Variants in CNTNAP4 observed in about 807,000 individuals in gnomAD.
CNTNAP4 encodes the protein contactin-associated protein-like 4.
Under a neutral mutation model 148.4 loss-of-function variants are expected in CNTNAP4, and 98 were observed. The ratio of observed to expected loss-of-function variants is 0.66; its 90% CI spans 0.56 to 0.78. The LOEUF (loss-of-function observed/expected upper bound fraction) is 0.78. CNTNAP4 is among the 30% of genes least tolerant of loss of function. The pLI is 0.00. For missense variants in CNTNAP4, 1,935 were observed against 1,565.6 expected (o/e 1.24, Z -3.98); for synonymous variants, 730 against 565.1 (o/e 1.29, Z -4.14).
intron 8 of CNTNAP4, among the ~76,000 whole-genome samples, chr16:76,458,677 G>T (rs2080827180): frequency 1.3e-5 from 2 of 152,252 alleles, no homozygotes; most frequent in South Asian, 4.1e-4. Context: ...CAAGTGATAG[G>T]AGCAGCTGTA....
intron 17 of CNTNAP4, among the ~76,000 whole-genome samples, chr16:76,523,903 C>G (rs938164419): frequency 1.1e-4 from 16 of 152,156 alleles, no homozygotes; most frequent in African/African-American, 3.6e-4. Context: ...GCACTCCATC[C>G]TGGGTGACAG....
intron 2 of CNTNAP4, among the ~76,000 whole-genome samples, chr16:76,333,944 G>A (rs1014389079): frequency 1.3e-5 from 2 of 151,632 alleles, no homozygotes; most frequent in Admixed American, 6.6e-5. Context: ...TTGAATGATC[G>A]CCATTCTAAC....
At chr16:76,284,743 G>T (rs9926323) in intron 1 of CNTNAP4, among the ~76,000 whole-genome samples, 11,079 of 151,864 alleles carry the variant, frequency 0.073, 1,406 homozygotes, top group African/African-American at 0.25. Flanking sequence ...TCTGTGTATT[G>T]CAATTAAATA....
intron 3 of CNTNAP4, among the ~76,000 whole-genome samples, chr16:76,374,536 A>G (rs2015207013): frequency 6.6e-6 from 1 of 152,108 alleles, no homozygotes; most frequent in African/African-American, 2.4e-5. Context: ...TGATAGGTAA[A>G]TAATGAAATT....
chr16:76,525,832 T>C (rs2083707199), intron 17 of CNTNAP4, among the ~76,000 whole-genome samples: 2 of 147,838 alleles, frequency 1.4e-5, no homozygotes, highest in Admixed American at 6.8e-5. Context: ...ATAGTTTATA[T>C]ATAACTATAT....
rs138793594 is a variant in CNTNAP4 at position 76,540,625 on chromosome 16, T to C, written c.3355-78T>C. On this transcript the variant is annotated intron_variant, in intron 20 of 23. Transcript: ENST00000611870. ...CAACTGCTTAATGTATCTTTTTCTC[T>C]TGTCCTCTGTTGCTTCCTGTCTTCT... 601 of 1,049,420 alleles carry C rather than the reference T, an allele frequency of 5.7e-4. 7 individuals are homozygous for C. The African/African-American group carries it at 8.8e-3, about 15-fold the overall frequency. The allele number at this position is 1,049,420 out of a possible 1,614,324, so 65.0% of individuals were successfully genotyped here.
chr16:76,542,262 A>G (rs1473034201), intron 21 of CNTNAP4, among the ~76,000 whole-genome samples: 2 of 152,192 alleles, frequency 1.3e-5, no homozygotes, highest in African/African-American at 4.8e-5. Flanking sequence ...TGGAGGTAAG[A>G]ACATTAGTGT....
At chr16:76,281,274 C>A (rs1958676977) in intron 1 of CNTNAP4, among the ~76,000 whole-genome samples, 1 of 152,014 alleles carries the variant, frequency 6.6e-6, no homozygotes, top group Admixed American at 6.6e-5. Context: ...AACTAGAATG[C>A]AATAGTAAAG....
chr16:76,440,438 A>G (rs972916509), intron 4 of CNTNAP4, among the ~76,000 whole-genome samples: 1 of 152,162 alleles, frequency 6.6e-6, no homozygotes, highest in Admixed American at 6.6e-5. Flanking sequence ...TCCCGAAAAC[A>G]TCTTCAAGGG....
chr16:76,350,488 A>G (rs946022840), intron 2 of CNTNAP4, among the ~76,000 whole-genome samples: 2 of 152,188 alleles, frequency 1.3e-5, no homozygotes, highest in African/African-American at 2.4e-5. Context: ...TTTTCTTACA[A>G]TTCATAGCAA....
chr16:76,308,201 G>A (rs1352002396), intron 1 of CNTNAP4, among the ~76,000 whole-genome samples: 2 of 152,044 alleles, frequency 1.3e-5, no homozygotes, highest in Non-Finnish European at 2.9e-5. Context: ...CTAAAACCAG[G>A]ATTCTCAAGT....
intron 3 of CNTNAP4, among the ~76,000 whole-genome samples, chr16:76,409,840 T>C (rs62051220): frequency 0.36 from 54,043 of 151,684 alleles, 11,074 homozygotes; most frequent in Non-Finnish European, 0.44. Flanking sequence ...GATTCAGAGA[T>C]TAATAAACTG....
intron 1 of CNTNAP4, among the ~76,000 whole-genome samples, chr16:76,287,375 C>T (rs572465709): frequency 6.6e-6 from 1 of 152,264 alleles, no homozygotes; most frequent in African/African-American, 2.4e-5. Context: ...CGCAAAACAG[C>T]CTGATTCATT....
Position 76,558,647 on chromosome 16 carries a change from T to G in CNTNAP4, c.3891T>G (p.Asn1297Lys). The G allele has an allele frequency of 2.5e-6, 4 of 1,611,014 alleles. No homozygotes were observed. In the Admixed American group the frequency reaches 5.1e-5, roughly 20 times the overall value. The change falls in exon 24 of 24, where the codon AAT (asparagine) becomes AAG (lysine). Residue 1297 changes from asparagine (N) to lysine (K), a missense_variant. Asn to Lys is a moderately conservative substitution (Grantham distance 94). Coordinates refer to ENST00000611870, the MANE Select transcript of CNTNAP4 (RefSeq NM_033401.5). ...AVLKSELNIQ[N>K]AVNENQKEYF... Reference sequence around the variant, plus strand: ...TGAAAAGTGAGCTTAATATACAAAATGCAGTCAATGAAAATCAGAAAGAGT... The same window carrying G: ...TGAAAAGTGAGCTTAATATACAAAAGGCAGTCAATGAAAATCAGAAAGAGT...
intron 1 of CNTNAP4, among the ~76,000 whole-genome samples, chr16:76,296,523 A>G (rs1246430065): frequency 1.3e-5 from 2 of 152,218 alleles, no homozygotes; most frequent in Non-Finnish European, 1.5e-5. Context: ...GTGTTCTTCA[A>G]GTTATATTCA....
At chr16:76,294,086 G>A (rs1026672717) in intron 1 of CNTNAP4, among the ~76,000 whole-genome samples, 5 of 152,076 alleles carry the variant, frequency 3.3e-5, no homozygotes, top group African/African-American at 1.2e-4. Flanking sequence ...CAGAGATTTT[G>A]GAGAGCGAGT....
chr16:76,449,776 A>G lies in CNTNAP4; in HGVS notation c.989A>G (p.His330Arg), dbSNP rs531143529. The G allele has an allele frequency of 3.1e-6, 5 of 1,598,578 alleles. No homozygotes were observed. In the East Asian group the frequency reaches 1.1e-4, roughly 36 times the overall value. Residue 330 changes from histidine to arginine, a missense_variant, in exon 7 of 24, where the codon CAT becomes CGT. By Grantham distance (29) the His-to-Arg change is conservative. Transcript: ENST00000611870. ...KSVSFPHRNF[H>R]GCLENLYYNG... ...GTGTCATTCCCACATAGAAATTTTC[A>G]TGGATGTTTAGAAAATCTCTATTAT...
chr16:76,377,010 G>A (rs78538980), intron 3 of CNTNAP4, among the ~76,000 whole-genome samples: 25,711 of 151,090 alleles, frequency 0.17, 2,722 homozygotes, highest in East Asian at 0.44. Context: ...ATTTTAAGGA[G>A]TTGGCTCGTG....
intron 15 of CNTNAP4, among the ~76,000 whole-genome samples, chr16:76,520,672 A>G (rs1440314266): frequency 6.6e-6 from 1 of 152,176 alleles, no homozygotes; most frequent in East Asian, 1.9e-4. Context: ...TAAAGAAAAC[A>G]GTTTATGTAA....
Sources: gnomAD v4.1 joint callset for allele counts (sites outside exome capture counted in the v4.1 genomes callset) on GRCh38, gnomAD v4.1.1 for gene constraint, MANE v1.5 for transcripts, NCBI Gene and HGNC (gene_info 2026-07-23, HGNC 2026-07-21) for gene names.